Variants in NOL4 observed in about 807,000 individuals in gnomAD.
The protein encoded by NOL4 is cancer/testis antigen 125.
In NOL4, 17 loss-of-function variants were observed where a neutral mutation model predicts 75.9. The ratio of observed to expected loss-of-function variants is 0.22; its 90% CI spans 0.15 to 0.34. NOL4 has a LOEUF of 0.34. Ranked by LOEUF, NOL4 falls within the 10% of genes least tolerant of loss-of-function variation. The pLI is 1.00. For missense variants in NOL4, 614 were observed against 793.5 expected (o/e 0.77, Z 2.72); for synonymous variants, 292 against 289.9 (o/e 1.01, Z -0.07).
At chr18:34,093,341 T>C in intron 5 of NOL4, 124 bp downstream of exon 5, 1 of 958,108 alleles carries the variant, frequency 1.0e-6, no homozygotes, top group Admixed American at 2.7e-5. Flanking sequence ...AGAGAAAAGT[T>C]CCCATAGAAA....
intron 9 of NOL4, among the ~76,000 whole-genome samples, chr18:33,936,969 A>G (rs897092887): frequency 9.9e-5 from 15 of 152,140 alleles, no homozygotes; most frequent in African/African-American, 2.4e-4. Flanking sequence ...TTAAGGAAAA[A>G]GAAATAATTA....
At chr18:34,089,521 A>C (rs2078405742) in intron 5 of NOL4, among the ~76,000 whole-genome samples, 1 of 152,220 alleles carries the variant, frequency 6.6e-6, no homozygotes, top group South Asian at 2.1e-4. Flanking sequence ...TTAAAATTAA[A>C]TTAGAATAGT....
At chr18:33,856,080 C>T (rs888844450) in intron 10 of NOL4, among the ~76,000 whole-genome samples, 20 of 152,024 alleles carry the variant, frequency 1.3e-4, no homozygotes, top group Admixed American at 7.2e-4. Flanking sequence ...AACGCAGGCA[C>T]GCTTTGTGTC....
At chr18:34,112,200 C>T (rs983209663) in intron 2 of NOL4, among the ~76,000 whole-genome samples, 1 of 152,008 alleles carries the variant, frequency 6.6e-6, no homozygotes, top group Non-Finnish European at 1.5e-5. Flanking sequence ...GAAACCTTAT[C>T]TCTACTAAAA....
At chr18:34,183,735 T>C (rs1357174483) in intron 1 of NOL4, 1 of 151,882 alleles carries the variant, frequency 6.6e-6, no homozygotes, top group Non-Finnish European at 1.5e-5. Flanking sequence ...GTCTATATGT[T>C]CCACAGTTCC....
intron 1 of NOL4, among the ~76,000 whole-genome samples, chr18:34,130,575 T>C (rs1237251037): frequency 6.6e-6 from 1 of 152,088 alleles, no homozygotes; most frequent in Non-Finnish European, 1.5e-5. Context: ...AGAAATTATC[T>C]ATGTGAAATT....
At chr18:33,874,447 C>A (rs2063839217) in intron 10 of NOL4, among the ~76,000 whole-genome samples, 1 of 151,964 alleles carries the variant, frequency 6.6e-6, no homozygotes, top group Admixed American at 6.6e-5. Flanking sequence ...ACATCCTTAA[C>A]TCCAACTGAT....
chr18:34,201,582 C>A (rs1420852314), intron 1 of NOL4, among the ~76,000 whole-genome samples: 2 of 151,796 alleles, frequency 1.3e-5, no homozygotes, highest in African/African-American at 4.8e-5. Context: ...CATCTGCATC[C>A]TTTCTCCATT....
At chr18:34,013,033 T>C (rs921495425) in intron 6 of NOL4, among the ~76,000 whole-genome samples, 2 of 151,988 alleles carry the variant, frequency 1.3e-5, no homozygotes, top group Non-Finnish European at 2.9e-5. Context: ...TGGAATGTCT[T>C]AAATGGCACT....
intron 6 of NOL4, among the ~76,000 whole-genome samples, chr18:34,008,113 G>T (rs561340539): frequency 6.6e-6 from 1 of 151,984 alleles, no homozygotes; most frequent in South Asian, 2.1e-4. Flanking sequence ...GTGGAGAAAG[G>T]GCAAGTCCAC....
chr18:33,905,646 T>C (rs927623050), intron 9 of NOL4, among the ~76,000 whole-genome samples: 2 of 152,150 alleles, frequency 1.3e-5, no homozygotes, highest in Non-Finnish European at 2.9e-5. Flanking sequence ...CCTTGTTCAG[T>C]ACATGACAAC....
At chr18:34,012,198 T>G (rs2146338304) in intron 6 of NOL4, among the ~76,000 whole-genome samples, 1 of 151,992 alleles carries the variant, frequency 6.6e-6, no homozygotes, top group Non-Finnish European at 1.5e-5. Flanking sequence ...GTCATTTGGG[T>G]GGGTCTCAAT....
chr18:34,130,632 C>T (rs1425526835), intron 1 of NOL4, among the ~76,000 whole-genome samples: 2 of 152,062 alleles, frequency 1.3e-5, no homozygotes, highest in Admixed American at 1.3e-4. Flanking sequence ...ATCACTTAAA[C>T]TTCTCTAAAT....
At chr18:33,907,800 TAAC>T (rs547195677) in intron 9 of NOL4, among the ~76,000 whole-genome samples, 115 of 152,282 alleles carry the variant, frequency 7.6e-4, no homozygotes, top group African/African-American at 2.6e-3. Flanking sequence ...GTCTGGTACT[TAAC>T]AATTCTCTTT....
At chr18:34,133,386 G>A (rs4332812) in intron 1 of NOL4, among the ~76,000 whole-genome samples, 33,404 of 151,590 alleles carry the variant, frequency 0.22, 4,386 homozygotes, top group East Asian at 0.44. Flanking sequence ...TATTTGGGCT[G>A]AAGGTAAATG....
At chr18:34,091,563 C>A (rs1001149770) in intron 5 of NOL4, among the ~76,000 whole-genome samples, 9 of 151,938 alleles carry the variant, frequency 5.9e-5, no homozygotes, top group African/African-American at 1.9e-4. Context: ...ATCTTGGACT[C>A]CAGAACTGTG....
chr18:33,901,762 G>A (rs1394283070), intron 9 of NOL4, among the ~76,000 whole-genome samples: 1 of 151,998 alleles, frequency 6.6e-6, no homozygotes, highest in East Asian at 1.9e-4. Flanking sequence ...AAAGTGTCAA[G>A]GTAAGATGTG....
intron 5 of NOL4, chr18:34,048,716 C>T: frequency 2.1e-6 from 1 of 479,856 alleles, no homozygotes; most frequent in South Asian, 8.8e-5. Flanking sequence ...AGTCTTCCTC[C>T]AGGGCTATGG....
chr18:34,190,358 T>C (rs894390243), intron 1 of NOL4, among the ~76,000 whole-genome samples: 2 of 152,042 alleles, frequency 1.3e-5, no homozygotes, highest in African/African-American at 4.8e-5. Context: ...TCTCTTAAAA[T>C]GTAATGCAAC....
Sources: gnomAD v4.1 joint callset for allele counts (sites outside exome capture counted in the v4.1 genomes callset) on GRCh38, gnomAD v4.1.1 for gene constraint, MANE v1.5 for transcripts, NCBI Gene and HGNC (gene_info 2026-07-23, HGNC 2026-07-21) for gene names.